Variants in MAST2 observed in about 807,000 individuals in gnomAD.
MAST2 encodes microtubule-associated serine/threonine-protein kinase 2.
MAST2 carries 70 observed loss-of-function variants against 147.4 expected under a neutral mutation model. The observed-to-expected ratio is 0.47, with a 90% CI of 0.39 to 0.58. The LOEUF (loss-of-function observed/expected upper bound fraction) is 0.58. Among genes scored for constraint, MAST2 ranks in the 20% least tolerant of loss-of-function variants. MAST2 has a pLI of 0.00. For synonymous variants in MAST2, 869 were observed against 896.8 expected (o/e 0.97, Z 0.55); for missense variants, 2,080 against 2,302.3 (o/e 0.90, Z 1.98).
chr1:46,001,611 A>C (rs1375082914), intron 6 of MAST2, among the ~76,000 whole-genome samples: 1 of 152,134 alleles, frequency 6.6e-6, no homozygotes, highest in Non-Finnish European at 1.5e-5. Flanking sequence ...GTTCCAGCAG[A>C]GTTATAGCCT....
At chr1:45,957,013 CT>C (rs1557961844) in intron 4 of MAST2, among the ~76,000 whole-genome samples, 1 of 152,140 alleles carries the variant, frequency 6.6e-6, no homozygotes, top group Non-Finnish European at 1.5e-5. Flanking sequence ...TTTCAATTCC[CT>C]TTTAGCGCAT....
At chr1:45,867,820 G>C (rs1312550258) in intron 3 of MAST2, among the ~76,000 whole-genome samples, 1 of 152,194 alleles carries the variant, frequency 6.6e-6, no homozygotes, top group Non-Finnish European at 1.5e-5. Context: ...TTTTGACTCT[G>C]AGTGGTTTAA....
chr1:45,958,066 G>A (rs1307697338), intron 4 of MAST2, among the ~76,000 whole-genome samples: 2 of 152,164 alleles, frequency 1.3e-5, no homozygotes, highest in African/African-American at 4.8e-5. Context: ...AAGGTTCAGA[G>A]TAGTGGGAGA....
chr1:45,960,232 G>C (rs1557967142), intron 5 of MAST2, among the ~76,000 whole-genome samples: 1 of 152,188 alleles, frequency 6.6e-6, no homozygotes, highest in Non-Finnish European at 1.5e-5. Context: ...GAGGCAGCTG[G>C]GCACAGTGGC....
chr1:45,947,503 A>G (rs1041881041), intron 4 of MAST2, among the ~76,000 whole-genome samples: 9 of 152,188 alleles, frequency 5.9e-5, no homozygotes, highest in African/African-American at 2.2e-4. Context: ...TTTTAAATGC[A>G]TAGCTGATTT....
intron 1 of MAST2, among the ~76,000 whole-genome samples, chr1:45,823,894 G>T (rs1644712938): frequency 6.6e-6 from 1 of 152,084 alleles, no homozygotes; most frequent in African/African-American, 2.4e-5. Flanking sequence ...GGAAGGTTCT[G>T]TCAATGTTTT....
chr1:45,962,105 A>AT (rs1033090736), intron 5 of MAST2, among the ~76,000 whole-genome samples: 41 of 151,948 alleles, frequency 2.7e-4, no homozygotes, highest in African/African-American at 7.5e-4. Context: ...TGAACTCATC[A>AT]TTTTTTATGG....
chr1:45,939,321 G>A (rs985140483), intron 4 of MAST2, among the ~76,000 whole-genome samples: 3 of 152,142 alleles, frequency 2.0e-5, no homozygotes, highest in East Asian at 3.9e-4. Context: ...TTGACCACAA[G>A]TGTTAACAGT....
intron 3 of MAST2, among the ~76,000 whole-genome samples, chr1:45,846,149 C>G (rs772539464): frequency 1.1e-4 from 17 of 151,622 alleles, no homozygotes; most frequent in Non-Finnish European, 2.2e-4. Flanking sequence ...AACTCTGGTT[C>G]AAAAGATAAA....
chr1:45,892,528 TC>T (rs1647993400), intron 4 of MAST2, among the ~76,000 whole-genome samples: 1 of 152,236 alleles, frequency 6.6e-6, no homozygotes, highest in South Asian at 2.1e-4. Flanking sequence ...TAAAAAAAGT[TC>T]TGGAAATTCT....
At chr1:45,946,843 T>G (rs1018386541) in intron 4 of MAST2, among the ~76,000 whole-genome samples, 4 of 152,154 alleles carry the variant, frequency 2.6e-5, no homozygotes, top group Non-Finnish European at 5.9e-5. Flanking sequence ...AGCATACTGT[T>G]TCCTTAGTCT....
At chr1:45,813,532 C>T (rs1057440747) in intron 1 of MAST2, among the ~76,000 whole-genome samples, 2 of 143,484 alleles carry the variant, frequency 1.4e-5, no homozygotes, top group East Asian at 4.1e-4. Context: ...AAGTTTTGCT[C>T]TTGTCCCCCA....
intron 4 of MAST2, among the ~76,000 whole-genome samples, chr1:45,902,671 G>T (rs1255573471): frequency 6.6e-6 from 1 of 151,652 alleles, no homozygotes; most frequent in Non-Finnish European, 1.5e-5. Context: ...CTCATTATTG[G>T]TCTGTTCAGG....
intron 3 of MAST2, among the ~76,000 whole-genome samples, chr1:45,833,355 G>A (rs1164585979): frequency 6.7e-6 from 1 of 149,482 alleles, no homozygotes; most frequent in African/African-American, 2.5e-5. Context: ...TAGGGATGGA[G>A]GAGAACTTAG....
At chr1:45,917,373 C>T in intron 4 of MAST2, 1 of 1,366,392 alleles carries the variant, frequency 7.3e-7, no homozygotes, top group Non-Finnish European at 9.8e-7. Flanking sequence ...TGAAGTAAAC[C>T]AGCACATGTT....
Position 46,031,644 on chromosome 1 carries a change from CTTG to C in MAST2, c.3187+60_3187+62del. 1 of 1,530,008 alleles carries C rather than the reference CTTG, an allele frequency of 6.5e-7. No individual in the cohort carries two copies. Among genetic ancestry groups the C allele is most frequent in the African/African-American group, 1.4e-5 (1 of 73,082 alleles). 94.8% of individuals were successfully genotyped at this position (1,530,008 alleles called of 1,614,324 possible). A position where few individuals can be genotyped will look rare whatever the true frequency, so the allele number is the denominator to read the frequency against. On this transcript the variant is annotated intron_variant, in intron 24 of 28. Coordinates refer to ENST00000361297, the MANE Select transcript of MAST2 (RefSeq NM_015112.3). This position sits in a 1 kb window ranked among gnomAD's most constrained non-coding sequence, Gnocchi z 4.1. Reference sequence around the variant, plus strand: ...AGGAAGGGCCTTGTAATCTCTAGGCCTTGGGAGGGTTCTGCACGTGGCAGGTGT... The same window carrying C: ...AGGAAGGGCCTTGTAATCTCTAGGCCGGAGGGTTCTGCACGTGGCAGGTGT...
chr1:45,906,568 TTA>T (rs557754020), intron 4 of MAST2, among the ~76,000 whole-genome samples: 168 of 149,208 alleles, frequency 1.1e-3, no homozygotes, highest in Non-Finnish European at 2.0e-3. Context: ...TGTACAATGT[TTA>T]TATGTTATTA....
intron 3 of MAST2, among the ~76,000 whole-genome samples, chr1:45,864,529 G>A (rs895561902): frequency 1.3e-5 from 2 of 152,130 alleles, no homozygotes; most frequent in South Asian, 2.1e-4. Context: ...GAATTTTGCC[G>A]ACTTAGTCAA....
intron 4 of MAST2, among the ~76,000 whole-genome samples, chr1:45,909,688 TTGTATTTTTA>T (rs1322304870): frequency 6.6e-6 from 1 of 152,094 alleles, no homozygotes; most frequent in Non-Finnish European, 1.5e-5. Context: ...CAGCTAATTT[TTGTATTTTTA>T]GTAGAGACGG....
Sources: allele counts gnomAD v4.1 joint callset (sites outside exome capture counted in the v4.1 genomes callset), GRCh38; gene constraint gnomAD v4.1.1; non-coding constraint Gnocchi (gnomAD v3.1); transcripts MANE v1.5; gene names NCBI Gene and HGNC (gene_info 2026-07-23, HGNC 2026-07-21).